MYH7: variants seen among roughly 807,000 people sequenced by gnomAD.
MYH7 encodes myosin-7.
Under a neutral mutation model 225.4 loss-of-function variants are expected in MYH7, and 129 were observed. The ratio of observed to expected loss-of-function variants is 0.57; its 90% CI spans 0.50 to 0.66. The LOEUF (loss-of-function observed/expected upper bound fraction) is 0.66. MYH7 is among the 30% of genes least tolerant of loss of function. The probability of loss-of-function intolerance (pLI) is 0.00; values close to 1 mark genes in which losing one functional copy is unlikely to be tolerated. For missense variants in MYH7, 1,649 were observed against 2,517.0 expected, an observed-to-expected ratio of 0.66 and a Z score of 7.38; for synonymous variants, 971 against 1,007.6, an observed-to-expected ratio of 0.96 and a Z score of 0.69.
At chr14:23,428,470 A>AGAATTCAGGT in intron 15 of MYH7, 30 bp downstream of exon 15, 1 of 1,614,036 alleles carries the variant, frequency 6.2e-7, no homozygotes, top group Non-Finnish European at 8.5e-7. Flanking sequence ...GTGTGCAGGG[A>AGAATTCAGGT]GAATTCAGGT....
intron 25 of MYH7, 109 bp downstream of exon 25, chr14:23,422,071 A>C (rs987801806): frequency 4.3e-5 from 66 of 1,539,046 alleles, no homozygotes; most frequent in Non-Finnish European, 5.0e-5. Flanking sequence ...TTGCGCCTCC[A>C]CTTGTGGAGG....
intron 18 of MYH7, 64 bp from the exon 19 acceptor site, chr14:23,426,145 C>A: frequency 6.4e-7 from 1 of 1,572,960 alleles, no homozygotes. Flanking sequence ...GGGTTCTGAT[C>A]CTGGCTTTGT....
At position 23,423,534 on chromosome 14, in the gene MYH7, T is replaced by C; in HGVS notation, c.3099+13A>G. 6.2e-7 allele frequency: 1 copy of C among 1,612,238 alleles called. No individual in the cohort carries two copies. Among genetic ancestry groups the C allele is most frequent in the Non-Finnish European group, 8.5e-7 (1 of 1,179,372 alleles). On this transcript the variant is annotated intron_variant, in intron 24 of 39. Coordinates refer to ENST00000355349, the MANE Select transcript of MYH7 (RefSeq NM_000257.4). ...ATGGCATATCTAGGCCCCACAACTC[T>C]CAATCTACTCACATCATCCACTTGC...
chr14:23,432,516 G>A lies in MYH7; in HGVS notation c.503-10C>T. On this transcript the variant is annotated splice_polypyrimidine_tract_variant and intron_variant, in intron 5 of 39. Coordinates refer to ENST00000355349, the MANE Select transcript of MYH7 (RefSeq NM_000257.4). The stretch of plus-strand genomic sequence containing the variant: ...GACTGGTTTTCTCTGTCTGTGGGGA[G>A]AGGGTGGGGAGGAAAGGTCAGGAGC... 1 of 1,614,164 alleles carries A rather than the reference G, an allele frequency of 6.2e-7. No individual in the cohort carries two copies. The highest frequency in any genetic ancestry group is 8.5e-7 in the Non-Finnish European group (1 of 1,180,016).
Position 23,433,606 on chromosome 14 carries a change from T to C in MYH7, c.127A>G (p.Lys43Glu). Residue 43 changes from lysine to glutamate, a missense_variant, in exon 3 of 40, where the codon AAA becomes GAA. By Grantham distance (56) the Lys-to-Glu change is moderately conservative. Around this residue, in one of 12 missense-constraint regions of MYH7, gnomAD observed 91 missense variants for 96.5 expected, o/e 0.94. Coordinates refer to ENST00000355349, the MANE Select transcript of MYH7 (RefSeq NM_000257.4). The surrounding 1 kb of genome is among the most constrained non-coding windows in gnomAD (Gnocchi z 4.1). ...ATCTTGGCCTTGACAAACTCCTGTTTGTCATCAGGCACGAAGACATCCTTC... is the reference window on the plus strand; with the variant it reads ...ATCTTGGCCTTGACAAACTCCTGTTCGTCATCAGGCACGAAGACATCCTTC... Reference protein sequence around the residue: ...LKKDVFVPDDKQEFVKAKIVS... With the variant: ...LKKDVFVPDDEQEFVKAKIVS... 6.2e-7 allele frequency: 1 copy of C among 1,614,260 alleles called. No individual in the cohort carries two copies.
In MYH7 at chr14:23,424,817, C is replaced by G. The variant is rs1060505018; in HGVS notation, c.2631G>C (p.Met877Ile). The G allele has an allele frequency of 3.1e-6, 5 of 1,614,150 alleles. No homozygotes were observed. Among genetic ancestry groups the G allele is most frequent in the Non-Finnish European group, 4.2e-6 (5 of 1,180,038 alleles). Residue 877 changes from methionine (M) to isoleucine (I), a missense_variant, in exon 22 of 40, where the codon ATG becomes ATC. By Grantham distance (10) the Met-to-Ile change is conservative. Transcript: ENST00000355349. ...EARRKELEEKMVSLLQEKNDL... is the reference protein window; with the variant it reads ...EARRKELEEKIVSLLQEKNDL... ...CATTCTTCTCCTGCAGCAGGGACAC[C>G]ATCTTCTCCTCCAGCTCCTTGCGGC...
chr14:23,418,680 G>A (rs1245913666), intron 29 of MYH7, among the ~76,000 whole-genome samples: 1 of 152,174 alleles, frequency 6.6e-6, no homozygotes, highest in African/African-American at 2.4e-5. Context: ...CTGGGGAGAG[G>A]GAAACAGGCT....
At chr14:23,423,845 G>C (rs545354807) in intron 23 of MYH7, 62 bp downstream of exon 23, 4 of 1,613,600 alleles carry the variant, frequency 2.5e-6, no homozygotes, top group Middle Eastern at 1.7e-4. Context: ...CCTGGGTCAA[G>C]GTCAGTATGG....
chr14:23,414,446 T>C (rs1189456382), intron 37 of MYH7, among the ~76,000 whole-genome samples: 2 of 152,126 alleles, frequency 1.3e-5, no homozygotes, highest in Admixed American at 6.6e-5. Context: ...TTTGGGGCTA[T>C]GAGTGTGATG....
chr14:23,415,837 G>C lies in MYH7; in HGVS notation c.4954-5C>G, dbSNP rs962469283. On this transcript the variant is annotated splice_polypyrimidine_tract_variant and splice_region_variant and intron_variant, in intron 34 of 39. Coordinates refer to ENST00000355349, the MANE Select transcript of MYH7 (RefSeq NM_000257.4). The surrounding 1 kb of genome is among the most constrained non-coding windows in gnomAD (Gnocchi z 6.3). ...GTCCAGCTGAATCTGGGTGTCCTGA[G>C]GATCAGGAGAGTGGGCATGAGCAGG... 1 of 1,614,230 alleles carries C rather than the reference G, an allele frequency of 6.2e-7. No homozygotes were observed. The highest frequency in any genetic ancestry group is 8.5e-7 in the Non-Finnish European group (1 of 1,180,036).
rs730880846 is a variant in MYH7, at chr14:23,431,783, T to C, written c.617A>G (p.Lys206Arg). The change falls in exon 7 of 40, where the codon AAG becomes AGG. Residue 206 changes from lysine to arginine, a missense_variant. Physicochemically the swap from Lys to Arg is conservative, Grantham distance 26. Coordinates refer to ENST00000355349, the MANE Select transcript of MYH7 (RefSeq NM_000257.4). Reference sequence around the variant, plus strand: ...TACCTTGCCCGGGCTCTGGTCCTTCTTGCTGCGGTCCCCAATGGCTGCAAT... The same window carrying C: ...TACCTTGCCCGGGCTCTGGTCCTTCCTGCTGCGGTCCCCAATGGCTGCAAT... ...AVIAAIGDRS[K>R]KDQSPGKGTL... is the part of the protein sequence containing the mutation. The C allele has an allele frequency of 6.2e-7, 1 of 1,614,236 alleles. No homozygotes were observed. Among genetic ancestry groups the C allele is most frequent in the East Asian group, 2.2e-5 (1 of 44,888 alleles).
intron 15 of MYH7, among the ~76,000 whole-genome samples, chr14:23,428,221 G>A (rs1309524915): frequency 6.6e-6 from 1 of 152,134 alleles, no homozygotes; most frequent in Non-Finnish European, 1.5e-5. Flanking sequence ...CCTGATCCTT[G>A]GATGCATAAA....
Position 23,420,939 on chromosome 14 carries a change from G to T in MYH7, c.3336+19C>A, listed in dbSNP as rs140413525. On this transcript the variant is annotated intron_variant, in intron 26 of 39. Transcript: ENST00000355349. Reference sequence around the variant, plus strand: ...CCAGCCCAGGGACTCAGCATCCCGCGTGGGTGTCCAGACCTCACCTGAAGC... The same window carrying T: ...CCAGCCCAGGGACTCAGCATCCCGCTTGGGTGTCCAGACCTCACCTGAAGC... The T allele has an allele frequency of 1.4e-5, 22 of 1,604,490 alleles. No homozygotes were observed. In the South Asian group the frequency reaches 1.5e-4, roughly 11 times the overall value.
At position 23,412,827 on chromosome 14, in the gene MYH7, G is replaced by A. The variant is rs773707857; in HGVS notation, c.*27C>T. ...CATGGGGCTTTGCTGGCACCTCCAG[G>A]GCTGAGCAGATCAAGATGTGGCAAA... On this transcript the variant is annotated 3_prime_UTR_variant, in exon 40 of 40. Coordinates refer to ENST00000355349, the MANE Select transcript of MYH7 (RefSeq NM_000257.4). 3.7e-6 allele frequency: 6 copies of A among 1,613,732 alleles called. No homozygotes were observed. Among genetic ancestry groups the A allele is most frequent in the Non-Finnish European group, 4.2e-6 (5 of 1,179,796 alleles).
In MYH7 at chr14:23,420,073, C is replaced by T; in HGVS notation, c.3498G>A (p.Lys1166=). ...ATSVQIEMNK[K]REAEFQKMRR... is the part of the protein sequence containing the mutation. ...GCATCTTCTGGAACTCGGCCTCGCG[C>T]TTCTTGTTCATCTCGATCTGCACGG... The change falls in exon 27 of 40, where the codon AAG becomes AAA. Residue 1166 remains lysine (K), a synonymous_variant. Coordinates refer to ENST00000355349, the MANE Select transcript of MYH7 (RefSeq NM_000257.4). The T allele has an allele frequency of 6.3e-7, 1 of 1,594,842 alleles. No homozygotes were observed. Among genetic ancestry groups the T allele is most frequent in the Non-Finnish European group, 8.6e-7 (1 of 1,169,240 alleles).
chr14:23,423,823 C>A lies in MYH7; in HGVS notation c.2922+84G>T, dbSNP rs1892580876. 3 of 1,613,320 alleles carry A rather than the reference C, an allele frequency of 1.9e-6. No individual in the cohort carries two copies. The African/African-American group carries it at 4.0e-5, about 22-fold the overall frequency. The stretch of plus-strand genomic sequence containing the variant: ...CAAGGTCCATGCTGCTCTCTGGATG[C>A]CGAGTGGCTAGCCTGGGTCAAGGTC... On this transcript the variant is annotated intron_variant, in intron 23 of 39. Coordinates refer to ENST00000355349, the MANE Select transcript of MYH7 (RefSeq NM_000257.4).
At position 23,427,881 on chromosome 14, in the gene MYH7, A is replaced by G. The variant is rs1892758684; in HGVS notation, c.1592T>C (p.Met531Thr). Reference sequence around the variant, plus strand: ...CATGCACTCCTCTTCCAGGATGGACATGATGCCCATGGGCTGAGGAAGCAG... The same window carrying G: ...CATGCACTCCTCTTCCAGGATGGACGTGATGCCCATGGGCTGAGGAAGCAG... ...IDLIEKPMGI[M>T]SILEEECMFP... Residue 531 changes from methionine (M) to threonine (T), a missense_variant, in exon 16 of 40, where the codon ATG becomes ACG. Physicochemically the swap from Met to Thr is moderately conservative, Grantham distance 81. Transcript: ENST00000355349. 1 of 1,614,138 alleles carries G rather than the reference A, an allele frequency of 6.2e-7. No individual in the cohort carries two copies. Among genetic ancestry groups the G allele is most frequent in the Non-Finnish European group, 8.5e-7 (1 of 1,180,008 alleles).
Position 23,425,549 on chromosome 14 carries a change from G to A in MYH7, c.2287-131C>T, listed in dbSNP as rs1445628624. ...GGAGGTCAATGGCAGCTGGAGCTGG[G>A]ATGAGGGGAGTGGTGCTAGATGTTC... On this transcript the variant is annotated intron_variant, in intron 20 of 39. Transcript: ENST00000355349. The surrounding 1 kb of genome is among the most constrained non-coding windows in gnomAD (Gnocchi z 4.6). 2 of 1,576,170 alleles carry A rather than the reference G, an allele frequency of 1.3e-6. No homozygotes were observed. The highest frequency in any genetic ancestry group is 1.7e-5 in the Admixed American group (1 of 57,640).
chr14:23,425,523 A>G lies in MYH7; in HGVS notation c.2287-105T>C. 1 of 1,593,374 alleles carries G rather than the reference A, an allele frequency of 6.3e-7. No homozygotes were observed. Among genetic ancestry groups the G allele is most frequent in the Admixed American group, 1.7e-5 (1 of 58,418 alleles). On this transcript the variant is annotated intron_variant, in intron 20 of 39. Coordinates refer to ENST00000355349, the MANE Select transcript of MYH7 (RefSeq NM_000257.4). The surrounding 1 kb of genome is among the most constrained non-coding windows in gnomAD (Gnocchi z 4.6). ...AACAGCCTAGAAAAGGATTGCAGGG[A>G]GGAGGTCAATGGCAGCTGGAGCTGG...
Sources: allele counts gnomAD v4.1 joint callset (sites outside exome capture counted in the v4.1 genomes callset), GRCh38; gene constraint gnomAD v4.1.1; regional missense constraint gnomAD v4.1.1; non-coding constraint Gnocchi (gnomAD v3.1); transcripts MANE v1.5; gene names NCBI Gene and HGNC (gene_info 2026-07-23, HGNC 2026-07-21).